The following RBFOX3 variants were observed in gnomAD, a reference collection of about 807,000 sequenced individuals.
RBFOX3 encodes RNA binding protein fox-1 homolog 3.
Under a neutral mutation model 48.7 loss-of-function variants are expected in RBFOX3, and 17 were observed. The observed-to-expected ratio is 0.35, with a 90% CI of 0.24 to 0.52. The LOEUF (loss-of-function observed/expected upper bound fraction) is 0.52. Among genes scored for constraint, RBFOX3 ranks in the 20% least tolerant of loss-of-function variants. RBFOX3 has a pLI of 0.94. For missense variants in RBFOX3, 382 were observed against 497.5 expected, an observed-to-expected ratio of 0.77 and a Z score of 2.21; for synonymous variants, 212 against 209.5, an observed-to-expected ratio of 1.01 and a Z score of -0.10.
At chr17:79,105,858 G>A (rs966928435) in intron 6 of RBFOX3, among the ~76,000 whole-genome samples, 1 of 152,108 alleles carries the variant, frequency 6.6e-6, no homozygotes, top group Non-Finnish European at 1.5e-5. Flanking sequence ...TGTGGCCAGG[G>A]CAGGCCTGGG....
At chr17:79,145,520 T>C (rs1323030750) in intron 4 of RBFOX3, among the ~76,000 whole-genome samples, 1 of 152,172 alleles carries the variant, frequency 6.6e-6, no homozygotes, top group African/African-American at 2.4e-5. Flanking sequence ...CTCTCCGTGT[T>C]CTCCGGAGCC....
intron 4 of RBFOX3, among the ~76,000 whole-genome samples, chr17:79,191,624 A>G (rs1169738895): frequency 6.6e-6 from 1 of 152,162 alleles, no homozygotes; most frequent in Non-Finnish European, 1.5e-5. Context: ...CGGGCCATGG[A>G]GTGACGAGGC....
At chr17:79,151,350 C>T (rs139876751) in intron 4 of RBFOX3, among the ~76,000 whole-genome samples, 1,616 of 144,392 alleles carry the variant, frequency 0.011, 9 homozygotes, top group South Asian at 0.019. Context: ...GGTCCAGACA[C>T]GTTCGGTGTC....
chr17:79,563,156 T>A (rs2092316606), intron 1 of RBFOX3, among the ~76,000 whole-genome samples: 1 of 151,268 alleles, frequency 6.6e-6, no homozygotes, highest in Non-Finnish European at 1.5e-5. Context: ...ACAGGATCAA[T>A]AGCCCACAAA....
At chr17:79,532,928 G>A (rs1395186714) in intron 1 of RBFOX3, among the ~76,000 whole-genome samples, 20 of 152,184 alleles carry the variant, frequency 1.3e-4, no homozygotes, top group African/African-American at 4.3e-4. Flanking sequence ...GCTGACAGAC[G>A]GAAGCTCTGG....
intron 2 of RBFOX3, among the ~76,000 whole-genome samples, chr17:79,467,248 CTG>C (rs2076438469): frequency 6.6e-6 from 1 of 152,090 alleles, no homozygotes; most frequent in Non-Finnish European, 1.5e-5. Flanking sequence ...AACCTCTCCT[CTG>C]ATGCTTGAGA....
chr17:79,470,509 C>T (rs1315213477), intron 2 of RBFOX3, among the ~76,000 whole-genome samples: 1 of 152,180 alleles, frequency 6.6e-6, no homozygotes, highest in Non-Finnish European at 1.5e-5. Flanking sequence ...TTCTTCTACT[C>T]CAAACCACCC....
intron 2 of RBFOX3, among the ~76,000 whole-genome samples, chr17:79,445,973 G>T (rs1186986886): frequency 1.3e-5 from 2 of 152,218 alleles, no homozygotes; most frequent in Non-Finnish European, 2.9e-5. Context: ...GTGGCTGGGG[G>T]TGATGCTGGC....
intron 2 of RBFOX3, among the ~76,000 whole-genome samples, chr17:79,403,139 C>T (rs544375214): frequency 1.9e-4 from 29 of 152,282 alleles, no homozygotes; most frequent in African/African-American, 6.7e-4. Context: ...CTCCCTCCCC[C>T]TCGCTGGGGC....
intron 2 of RBFOX3, among the ~76,000 whole-genome samples, chr17:79,374,589 T>C (rs1441554690): frequency 1.3e-5 from 2 of 152,242 alleles, no homozygotes; most frequent in East Asian, 1.9e-4. Flanking sequence ...GAGAGCTGGC[T>C]GCGCCCAGGT....
intron 2 of RBFOX3, among the ~76,000 whole-genome samples, chr17:79,401,984 AC>A (rs1196141415): frequency 6.6e-6 from 1 of 152,208 alleles, no homozygotes; most frequent in Non-Finnish European, 1.5e-5. Flanking sequence ...TACAGGTGAG[AC>A]CTTCCACGTT....
intron 4 of RBFOX3, among the ~76,000 whole-genome samples, chr17:79,132,443 G>A (rs536859880): frequency 6.2e-4 from 94 of 152,362 alleles, no homozygotes; most frequent in East Asian, 3.7e-3. Context: ...GTGCACGTGT[G>A]TGTACTCACG....
At position 79,162,199 on chromosome 17, in the gene RBFOX3, T is replaced by C. The variant is rs191258701; in HGVS notation, c.-33-46451A>G. On this transcript the variant is annotated intron_variant, in intron 4 of 14. Coordinates refer to ENST00000693108, the MANE Select transcript of RBFOX3 (RefSeq NM_001350451.2). The stretch of plus-strand genomic sequence containing the variant: ...GACATAATGGGGCATTAGAAGGGAA[T>C]TGAATTTCCCTTTAATTACAATGGC... Among the ~76,000 whole-genome samples the C allele has an allele frequency of 6.3e-3, 960 of 152,354 alleles. 5 individuals carry two copies. Among genetic ancestry groups the C allele is most frequent in the African/African-American group, 0.02 (849 of 41,578 alleles).
At chr17:79,525,644 C>T (rs964240639) in intron 1 of RBFOX3, among the ~76,000 whole-genome samples, 3 of 152,130 alleles carry the variant, frequency 2.0e-5, no homozygotes, top group African/African-American at 4.8e-5. Flanking sequence ...GCCAGGAGCT[C>T]GATGTCTAAA....
chr17:79,154,360 G>T (rs868764522), intron 4 of RBFOX3, among the ~76,000 whole-genome samples: 1 of 152,264 alleles, frequency 6.6e-6, no homozygotes, highest in Middle Eastern at 3.4e-3. Context: ...CCTCTGTCTC[G>T]GGGACCCCGC....
chr17:79,649,788 G>T, the RBFOX3 span, among the ~76,000 whole-genome samples: 2 of 152,194 alleles, frequency 1.3e-5, no homozygotes, highest in African/African-American at 4.8e-5. Context: ...CAGGAAGCAT[G>T]ATGCTGGCAT....
chr17:79,519,166 A>G (rs1292340446), intron 1 of RBFOX3, among the ~76,000 whole-genome samples: 4 of 152,220 alleles, frequency 2.6e-5, no homozygotes, highest in African/African-American at 4.8e-5. Flanking sequence ...GAAGAAACAA[A>G]GGCCAGTTTC....
intron 2 of RBFOX3, among the ~76,000 whole-genome samples, chr17:79,422,454 C>T (rs140292492): frequency 1.3e-3 from 191 of 152,192 alleles, no homozygotes; most frequent in African/African-American, 4.1e-3. Context: ...GTCACCTGCC[C>T]GAGCCGGCTG....
intron 4 of RBFOX3, among the ~76,000 whole-genome samples, chr17:79,127,397 G>A (rs1357091444): frequency 6.6e-6 from 1 of 152,248 alleles, no homozygotes; most frequent in Non-Finnish European, 1.5e-5. Flanking sequence ...GTCCAGAGCG[G>A]TGAGGGAGGA....
Sources: allele counts gnomAD v4.1 joint callset (sites outside exome capture counted in the v4.1 genomes callset), GRCh38; gene constraint gnomAD v4.1.1; transcripts MANE v1.5; gene names NCBI Gene and HGNC (gene_info 2026-07-23, HGNC 2026-07-21).